PKNOX2: variants seen among roughly 807,000 people sequenced by gnomAD.
PKNOX2 encodes homeobox protein PKNOX2.
Under a neutral mutation model 53.1 loss-of-function variants are expected in PKNOX2, and 14 were observed. The observed-to-expected ratio is 0.26, with a 90% CI of 0.17 to 0.41. The LOEUF (loss-of-function observed/expected upper bound fraction) is 0.41, where lower values mean the gene tolerates loss of function less well. Ranked by LOEUF, PKNOX2 falls within the 10% of genes least tolerant of loss-of-function variation. The probability of loss-of-function intolerance (pLI) is 1.00; values close to 1 mark genes in which losing one functional copy is unlikely to be tolerated. For missense variants in PKNOX2, 496 were observed against 602.8 expected (o/e 0.82, Z 1.85); for synonymous variants, 257 against 242.8 (o/e 1.06, Z -0.54).
intron 2 of PKNOX2, among the ~76,000 whole-genome samples, chr11:125,242,873 C>T (rs1343766115): frequency 6.6e-6 from 1 of 152,132 alleles, no homozygotes; most frequent in Non-Finnish European, 1.5e-5. Flanking sequence ...TCTAGGTACA[C>T]AGTAGGTGCT....
chr11:125,244,175 G>T (rs1943383893), intron 2 of PKNOX2, among the ~76,000 whole-genome samples: 1 of 152,240 alleles, frequency 6.6e-6, no homozygotes, highest in African/African-American at 2.4e-5. Context: ...CCACATTTCT[G>T]AGATATTTCC....
chr11:125,424,282 C>T (rs1190246529), intron 10 of PKNOX2, among the ~76,000 whole-genome samples: 1 of 152,056 alleles, frequency 6.6e-6, no homozygotes. Context: ...AAAGCATGAA[C>T]AAGGGCAATG....
chr11:125,222,185 G>A (rs533905844), intron 1 of PKNOX2, among the ~76,000 whole-genome samples: 151 of 152,286 alleles, frequency 9.9e-4, no homozygotes, highest in African/African-American at 3.5e-3. Context: ...GCCCACAGAG[G>A]GGTGACAACT....
At chr11:125,398,111 A>G (rs776575804) in intron 7 of PKNOX2, 49 bp downstream of exon 7, 6 of 1,535,862 alleles carry the variant, frequency 3.9e-6, no homozygotes, top group Non-Finnish European at 5.3e-6. Context: ...TCCTAAGCCC[A>G]GCTCTGGAGC....
At chr11:125,177,611 C>T (rs548373144) in intron 1 of PKNOX2, among the ~76,000 whole-genome samples, 1 of 152,210 alleles carries the variant, frequency 6.6e-6, no homozygotes. Flanking sequence ...GATCCTGCTC[C>T]AGTCCTGGCC....
intron 7 of PKNOX2, among the ~76,000 whole-genome samples, chr11:125,408,483 C>G (rs1284537690): frequency 2.0e-5 from 3 of 152,236 alleles, no homozygotes; most frequent in Non-Finnish European, 4.4e-5. Context: ...AGGAGCCACA[C>G]CAGGAGGCCC....
intron 2 of PKNOX2, among the ~76,000 whole-genome samples, chr11:125,307,727 G>A (rs1429268941): frequency 6.6e-6 from 1 of 152,234 alleles, no homozygotes; most frequent in Non-Finnish European, 1.5e-5. Context: ...AACAGGCCAG[G>A]ACTAGAATTC....
intron 4 of PKNOX2, among the ~76,000 whole-genome samples, chr11:125,359,944 G>A (rs1230927475): frequency 6.6e-6 from 1 of 152,088 alleles, no homozygotes; most frequent in Non-Finnish European, 1.5e-5. Flanking sequence ...GGCTGGTCTC[G>A]AACTCCCGAC....
At chr11:125,327,814 T>C (rs562361989) in intron 2 of PKNOX2, among the ~76,000 whole-genome samples, 3 of 152,282 alleles carry the variant, frequency 2.0e-5, no homozygotes, top group African/African-American at 7.2e-5. Flanking sequence ...AACTCGGCAG[T>C]TGTCAGTTCT....
intron 5 of PKNOX2, among the ~76,000 whole-genome samples, chr11:125,379,533 G>C (rs1953089025): frequency 6.6e-6 from 1 of 152,168 alleles, no homozygotes; most frequent in African/African-American, 2.4e-5. Context: ...TTTATGTTAA[G>C]AATATCTGTC....
intron 3 of PKNOX2, among the ~76,000 whole-genome samples, chr11:125,340,148 G>A (rs759548197): frequency 1.1e-4 from 16 of 152,206 alleles, no homozygotes; most frequent in Non-Finnish European, 2.2e-4. Context: ...CAGGGCTGAT[G>A]GAAGGAACTT....
intron 1 of PKNOX2, among the ~76,000 whole-genome samples, chr11:125,179,377 A>T (rs192317122): frequency 1.3e-5 from 2 of 152,190 alleles, no homozygotes; most frequent in Non-Finnish European, 2.9e-5. Context: ...TTCAACAGGA[A>T]GATTTTATCC....
At chr11:125,186,764 G>T (rs2135310315) in intron 1 of PKNOX2, among the ~76,000 whole-genome samples, 1 of 152,312 alleles carries the variant, frequency 6.6e-6, no homozygotes, top group South Asian at 2.1e-4. Context: ...TGCTTTTGAT[G>T]ACATAACTAA....
At chr11:125,297,504 C>T (rs1287276631) in intron 2 of PKNOX2, among the ~76,000 whole-genome samples, 1 of 152,216 alleles carries the variant, frequency 6.6e-6, no homozygotes, top group Non-Finnish European at 1.5e-5. Flanking sequence ...GAAAGTGCTT[C>T]ATTCTGGAGA....
chr11:125,368,612 C>G (rs752870140), intron 5 of PKNOX2, among the ~76,000 whole-genome samples: 2 of 152,202 alleles, frequency 1.3e-5, no homozygotes, highest in Non-Finnish European at 2.9e-5. Context: ...ACTGTAGGTT[C>G]TGGCACTTTT....
chr11:125,314,499 CT>C (rs993710111), intron 2 of PKNOX2, among the ~76,000 whole-genome samples: 1 of 152,168 alleles, frequency 6.6e-6, no homozygotes, highest in Non-Finnish European at 1.5e-5. Context: ...TCCCCGCATG[CT>C]TTTGCTCCTC....
chr11:125,178,502 C>T (rs1215042937), intron 1 of PKNOX2, among the ~76,000 whole-genome samples: 1 of 131,682 alleles, frequency 7.6e-6, no homozygotes, highest in Non-Finnish European at 1.5e-5. Flanking sequence ...CAGAGCGAAA[C>T]TCTGTCTCAA....
chr11:125,427,680 TAGAC>T (rs1294400768), intron 10 of PKNOX2, among the ~76,000 whole-genome samples: 1 of 152,158 alleles, frequency 6.6e-6, no homozygotes, highest in Non-Finnish European at 1.5e-5. Context: ...TCGGGGACCT[TAGAC>T]AGCTCAAGCA....
chr11:125,213,572 C>T (rs1206122296), intron 1 of PKNOX2, among the ~76,000 whole-genome samples: 1 of 152,100 alleles, frequency 6.6e-6, no homozygotes, highest in Non-Finnish European at 1.5e-5. Context: ...CTTCTCCCAC[C>T]TCAGCCTCCT....
Sources: gnomAD v4.1 joint callset for allele counts (sites outside exome capture counted in the v4.1 genomes callset) on GRCh38, gnomAD v4.1.1 for gene constraint, MANE v1.5 for transcripts, NCBI Gene and HGNC (gene_info 2026-07-23, HGNC 2026-07-21) for gene names.